The following SCAI variants were observed in gnomAD, a reference collection of about 807,000 sequenced individuals.
The protein encoded by SCAI is protein SCAI.
A neutral mutation model predicts 92.2 loss-of-function variants in SCAI; 24 were observed. The observed-to-expected ratio is 0.26, with a 90% CI of 0.19 to 0.37. The LOEUF (loss-of-function observed/expected upper bound fraction) is 0.37. Ranked by LOEUF, SCAI falls within the 10% of genes least tolerant of loss-of-function variation. The probability of loss-of-function intolerance (pLI) is 1.00; values close to 1 mark genes in which losing one functional copy is unlikely to be tolerated. For missense variants in SCAI, 450 were observed against 736.2 expected, an observed-to-expected ratio of 0.61 and a Z score of 4.50; for synonymous variants, 261 against 258.6, an observed-to-expected ratio of 1.01 and a Z score of -0.09.
At chr9:125,049,141 C>T (rs1468786637) in intron 3 of SCAI, among the ~76,000 whole-genome samples, 3 of 92,516 alleles carry the variant, frequency 3.2e-5, no homozygotes, top group Non-Finnish European at 9.3e-5. Context: ...TATACATATA[C>T]ACACACACTC....
At chr9:125,075,571 T>C (rs1834071671) in intron 2 of SCAI, among the ~76,000 whole-genome samples, 1 of 150,790 alleles carries the variant, frequency 6.6e-6, no homozygotes, top group Non-Finnish European at 1.5e-5. Context: ...CTAATTTTTT[T>C]TTTTTTTTTT....
chr9:125,089,688 G>A (rs556850385), intron 2 of SCAI, among the ~76,000 whole-genome samples: 3 of 145,100 alleles, frequency 2.1e-5, no homozygotes, highest in African/African-American at 5.7e-5. Flanking sequence ...TTTGGGGTTG[G>A]GGGGGGCAGT....
intron 3 of SCAI, among the ~76,000 whole-genome samples, chr9:125,033,259 G>A (rs955589728): frequency 2.0e-5 from 3 of 152,036 alleles, no homozygotes; most frequent in African/African-American, 7.2e-5. Flanking sequence ...GAAGGCTTGA[G>A]TAGCCAGGAA....
In SCAI at chr9:125,141,600, A is replaced by C. The variant is rs749378140; in HGVS notation, c.98+1033T>G. ...CTTTGCTTCTATTTTCCTAAGGTTC[A>C]ACCATTCGAGTTAACTACACAGTGT... On this transcript the variant is annotated intron_variant, in intron 2 of 17. Transcript: ENST00000336505. 6.4e-4 allele frequency among the ~76,000 whole-genome samples: 98 copies of C among 152,234 alleles called. 1 individual carries two copies. The highest frequency in any genetic ancestry group is 1.3e-4 in the Non-Finnish European group (9 of 68,038).
chr9:125,092,131 TA>T (rs71374225), intron 2 of SCAI, among the ~76,000 whole-genome samples: 13 of 61,138 alleles, frequency 2.1e-4, no homozygotes, highest in Admixed American at 1.2e-3. Flanking sequence ...CTCCGTCTCT[TA>T]AAAAAAAAAA....
chr9:125,038,020 G>A (rs987744426), intron 3 of SCAI, among the ~76,000 whole-genome samples: 12 of 152,132 alleles, frequency 7.9e-5, no homozygotes, highest in African/African-American at 2.4e-4. Flanking sequence ...ACTTTGAGGG[G>A]CCAAGGCGGA....
chr9:124,993,069 T>C (rs1331173617), intron 14 of SCAI, among the ~76,000 whole-genome samples: 2 of 152,212 alleles, frequency 1.3e-5, no homozygotes, highest in South Asian at 2.1e-4. Flanking sequence ...AAACAATACA[T>C]TGGACCCAGT....
chr9:125,095,809 G>C (rs1834538648), intron 2 of SCAI, among the ~76,000 whole-genome samples: 1 of 152,174 alleles, frequency 6.6e-6, no homozygotes, highest in Admixed American at 6.5e-5. Context: ...GAGAGAAGAA[G>C]CCTGGAAAAA....
intron 9 of SCAI, among the ~76,000 whole-genome samples, chr9:125,010,535 G>C (rs193076565): frequency 2.0e-5 from 3 of 152,324 alleles, no homozygotes; most frequent in Non-Finnish European, 2.9e-5. Context: ...CAGAAAGCTC[G>C]AACTGGGTCG....
intron 2 of SCAI, among the ~76,000 whole-genome samples, chr9:125,136,382 G>A (rs923330355): frequency 2.7e-5 from 4 of 147,770 alleles, no homozygotes; most frequent in Non-Finnish European, 4.5e-5. Flanking sequence ...ATCTTGAAGT[G>A]TTTACCAGGA....
At chr9:124,953,562 G>A (rs1163461240) in intron 17 of SCAI, among the ~76,000 whole-genome samples, 3 of 152,124 alleles carry the variant, frequency 2.0e-5, no homozygotes, top group Non-Finnish European at 1.5e-5. Flanking sequence ...GGAGGCGGAG[G>A]TTGCAGTGAG....
At chr9:125,075,408 T>A (rs1450402873) in intron 2 of SCAI, among the ~76,000 whole-genome samples, 2 of 151,848 alleles carry the variant, frequency 1.3e-5, no homozygotes, top group African/African-American at 4.8e-5. Context: ...TGTTTCATTC[T>A]TTCTTTTTTT....
chr9:125,051,746 A>T (rs1414769338), intron 3 of SCAI, among the ~76,000 whole-genome samples: 1 of 152,190 alleles, frequency 6.6e-6, no homozygotes, highest in East Asian at 1.9e-4. Context: ...AATAACATAA[A>T]ACTAACATTC....
intron 2 of SCAI, among the ~76,000 whole-genome samples, chr9:125,107,526 G>A (rs1159180368): frequency 2.6e-5 from 4 of 152,214 alleles, no homozygotes; most frequent in Non-Finnish European, 5.9e-5. Flanking sequence ...AGCTATTCAG[G>A]AGGCTGAGGT....
At chr9:125,037,117 A>C (rs1414794699) in intron 3 of SCAI, among the ~76,000 whole-genome samples, 1 of 152,106 alleles carries the variant, frequency 6.6e-6, no homozygotes, top group African/African-American at 2.4e-5. Flanking sequence ...AAAGAGACAA[A>C]AATTAGCCAG....
At chr9:125,011,656 C>T (rs1832643845) in intron 9 of SCAI, among the ~76,000 whole-genome samples, 1 of 152,222 alleles carries the variant, frequency 6.6e-6, no homozygotes, top group South Asian at 2.1e-4. Flanking sequence ...GGCAGGCCAA[C>T]ATTCAGATTC....
At chr9:124,957,529 A>ATTTT (rs34588772) in intron 17 of SCAI, among the ~76,000 whole-genome samples, 39 of 138,458 alleles carry the variant, frequency 2.8e-4, no homozygotes, top group African/African-American at 9.7e-4. Flanking sequence ...CACCCGGCTA[A>ATTTT]TTTTTTTTTT....
At chr9:125,016,633 C>T (rs1832766057) in intron 9 of SCAI, among the ~76,000 whole-genome samples, 1 of 151,974 alleles carries the variant, frequency 6.6e-6, no homozygotes, top group Non-Finnish European at 1.5e-5. Context: ...TATATTTGAA[C>T]ATCAGATTTA....
Position 125,020,706 on chromosome 9 carries a change from G to T in SCAI, c.576C>A (p.Leu192=). The change falls in exon 7 of 18, where the codon CTC becomes CTA. Residue 192 remains leucine (L), a synonymous_variant. Coordinates refer to ENST00000336505, the MANE Select transcript of SCAI (RefSeq NM_001144877.3). ...YARFIVVCLL[L]NKMDVVKDLV... ...GATCCTTTACAACATCCATTTTGTTGAGAAGAAGACAAACTACTATAAATC... is the reference window on the plus strand; with the variant it reads ...GATCCTTTACAACATCCATTTTGTTTAGAAGAAGACAAACTACTATAAATC... The T allele has an allele frequency of 6.6e-7, 1 of 1,520,032 alleles. No homozygotes were observed. The highest frequency in any genetic ancestry group is 1.2e-5 in the South Asian group (1 of 83,462). 94.2% of individuals were successfully genotyped at this position (1,520,032 alleles called of 1,614,324 possible).
Sources: gnomAD v4.1 joint callset for allele counts (sites outside exome capture counted in the v4.1 genomes callset) on GRCh38, gnomAD v4.1.1 for gene constraint, MANE v1.5 for transcripts, NCBI Gene and HGNC (gene_info 2026-07-23, HGNC 2026-07-21) for gene names.